Variants in DOCK2 observed in about 807,000 individuals in gnomAD.
DOCK2 encodes dedicator of cytokinesis 2.
Under a neutral mutation model 248.9 loss-of-function variants are expected in DOCK2, and 87 were observed. The observed-to-expected ratio is 0.35, with a 90% CI of 0.29 to 0.42. DOCK2 has a LOEUF of 0.42. Among genes scored for constraint, DOCK2 ranks in the 10% least tolerant of loss-of-function variants. The pLI is 1.00. For missense variants in DOCK2, 1,747 were observed against 2,300.2 expected (o/e 0.76, Z 4.92); for synonymous variants, 805 against 821.6 (o/e 0.98, Z 0.35).
intron 27 of DOCK2, among the ~76,000 whole-genome samples, chr5:169,873,635 A>G (rs1048179710): frequency 5.3e-5 from 8 of 152,220 alleles, no homozygotes; most frequent in African/African-American, 1.7e-4. Flanking sequence ...AAGCAGATGA[A>G]AGGAAAATAC....
chr5:169,726,700 C>T (rs2113603611), intron 22 of DOCK2, among the ~76,000 whole-genome samples: 1 of 152,312 alleles, frequency 6.6e-6, no homozygotes, highest in East Asian at 1.9e-4. Flanking sequence ...ATTAGTAAGT[C>T]AGCCTTCCTC....
intron 27 of DOCK2, among the ~76,000 whole-genome samples, chr5:169,961,884 C>T (rs1041095319): frequency 9.5e-5 from 14 of 147,424 alleles, no homozygotes; most frequent in Non-Finnish European, 1.2e-4. Context: ...GAGGCTGAGG[C>T]AGGAGAATCA....
intron 26 of DOCK2, among the ~76,000 whole-genome samples, chr5:169,803,966 G>A (rs1767151739): frequency 6.6e-6 from 1 of 152,212 alleles, no homozygotes; most frequent in Non-Finnish European, 1.5e-5. Flanking sequence ...TTGTCCTTGA[G>A]TAATGTCCAG....
intron 26 of DOCK2, among the ~76,000 whole-genome samples, chr5:169,811,860 C>T (rs921948560): frequency 3.9e-5 from 6 of 152,244 alleles, no homozygotes; most frequent in Admixed American, 6.5e-5. Flanking sequence ...CAGTTAACAG[C>T]ACTTTCACCT....
intron 7 of DOCK2, among the ~76,000 whole-genome samples, chr5:169,682,518 G>T (rs1759722488): frequency 6.6e-6 from 1 of 152,196 alleles, no homozygotes; most frequent in Admixed American, 6.5e-5. Context: ...GGGCCTGAGG[G>T]GTTTTGGAAA....
intron 6 of DOCK2, among the ~76,000 whole-genome samples, chr5:169,681,216 C>T (rs1329120770): frequency 6.7e-6 from 1 of 149,316 alleles, no homozygotes; most frequent in African/African-American, 2.5e-5. Flanking sequence ...TTCCGCCTCC[C>T]AGGTTCAAGA....
chr5:170,020,899 C>T (rs978719326), intron 33 of DOCK2, among the ~76,000 whole-genome samples: 11 of 152,194 alleles, frequency 7.2e-5, no homozygotes, highest in African/African-American at 2.2e-4. Context: ...TTAGAGATTC[C>T]CAGTGCATAT....
chr5:169,932,261 G>A (rs1221602482), intron 27 of DOCK2, among the ~76,000 whole-genome samples: 1 of 152,190 alleles, frequency 6.6e-6, no homozygotes, highest in Non-Finnish European at 1.5e-5. Flanking sequence ...CTGTTATGAG[G>A]AAGGAGCACT....
At chr5:169,699,965 G>A (rs1437249213) in intron 12 of DOCK2, 49 bp from the exon 13 acceptor site, 4 of 1,609,292 alleles carry the variant, frequency 2.5e-6, no homozygotes, top group African/African-American at 2.7e-5. Context: ...GGCCGACTGA[G>A]GGGTCACTTG....
chr5:169,686,928 C>T (rs376467807), intron 8 of DOCK2, among the ~76,000 whole-genome samples: 5 of 152,122 alleles, frequency 3.3e-5, no homozygotes, highest in African/African-American at 1.2e-4. Context: ...TAGTACTCCT[C>T]GTTCCTCTGA....
intron 5 of DOCK2, among the ~76,000 whole-genome samples, chr5:169,671,962 G>A (rs528638194): frequency 2.7e-4 from 41 of 152,054 alleles, no homozygotes; most frequent in Admixed American, 2.6e-3. Context: ...TGTGGCTAAA[G>A]CAATTTTTTG....
At chr5:169,683,294 ATCATGGC>A (rs1561596529) in intron 7 of DOCK2, among the ~76,000 whole-genome samples, 1 of 152,098 alleles carries the variant, frequency 6.6e-6, no homozygotes, top group Admixed American at 6.5e-5. Context: ...TAATGGTGTG[ATCATGGC>A]TCACTGTAGC....
At chr5:169,761,477 G>T in intron 24 of DOCK2, 42 bp from the exon 25 acceptor site, 1 of 1,528,060 alleles carries the variant, frequency 6.5e-7, no homozygotes, top group Non-Finnish European at 9.1e-7. Context: ...GGGAGACATG[G>T]GTCTGCCTTG....
chr5:169,904,091 C>CAAAAA (rs57983281), intron 27 of DOCK2, among the ~76,000 whole-genome samples: 5 of 70,338 alleles, frequency 7.1e-5, no homozygotes, highest in African/African-American at 9.8e-5. Flanking sequence ...GACTTCGTCT[C>CAAAAA]AAAAAAAAAA....
intron 26 of DOCK2, among the ~76,000 whole-genome samples, chr5:169,830,893 GGAA>G (rs1330177925): frequency 1.3e-5 from 2 of 152,140 alleles, no homozygotes; most frequent in African/African-American, 4.8e-5. Flanking sequence ...CTGGGTGTGG[GGAA>G]GAAGGAGAGC....
At chr5:169,652,002 A>G (rs1757834020) in intron 1 of DOCK2, among the ~76,000 whole-genome samples, 2 of 152,250 alleles carry the variant, frequency 1.3e-5, no homozygotes, top group South Asian at 2.1e-4. Flanking sequence ...CTGAGCACTT[A>G]CTATAGCTGG....
At chr5:169,996,048 A>G (rs1255796908) in intron 29 of DOCK2, 38 bp from the exon 30 acceptor site, 1 of 1,606,464 alleles carries the variant, frequency 6.2e-7, no homozygotes, top group East Asian at 2.2e-5. Context: ...TTAAGGGATC[A>G]TGCTCAGACA....
intron 1 of DOCK2, among the ~76,000 whole-genome samples, chr5:169,652,349 C>T (rs1757853408): frequency 6.6e-6 from 1 of 152,216 alleles, no homozygotes; most frequent in African/African-American, 2.4e-5. Context: ...GGCTTGAGGC[C>T]AGAGCCAGGA....
intron 27 of DOCK2, among the ~76,000 whole-genome samples, chr5:169,965,585 G>A (rs189415877): frequency 3.5e-4 from 53 of 152,278 alleles, no homozygotes; most frequent in African/African-American, 1.1e-3. Flanking sequence ...CCCAGGGAGC[G>A]TTAAACATCC....
Sources: gnomAD v4.1 joint callset for allele counts (sites outside exome capture counted in the v4.1 genomes callset) on GRCh38, gnomAD v4.1.1 for gene constraint, MANE v1.5 for transcripts, NCBI Gene and HGNC (gene_info 2026-07-23, HGNC 2026-07-21) for gene names.